The following BMP5 variants were observed in gnomAD, a reference collection of about 807,000 sequenced individuals.
BMP5 encodes bone morphogenetic protein 5.
A neutral mutation model predicts 46.6 loss-of-function variants in BMP5; 23 were observed. The observed-to-expected ratio is 0.49, with a 90% CI of 0.35 to 0.70. BMP5 has a LOEUF of 0.70. Ranked by LOEUF, BMP5 falls within the 30% of genes least tolerant of loss-of-function variation. The probability of loss-of-function intolerance (pLI) is 0.00; values close to 1 mark genes in which losing one functional copy is unlikely to be tolerated. For synonymous variants in BMP5, 204 were observed against 191.9 expected (o/e 1.06, Z -0.52); for missense variants, 545 against 565.6 (o/e 0.96, Z 0.37).
intron 1 of BMP5, among the ~76,000 whole-genome samples, chr6:55,855,304 G>T (rs1254099250): frequency 6.6e-6 from 1 of 151,470 alleles, no homozygotes; most frequent in Admixed American, 6.6e-5. Flanking sequence ...AGCATCACTT[G>T]AGCCCAGATG....
chr6:55,769,897 CT>C (rs1386796751), intron 4 of BMP5, among the ~76,000 whole-genome samples: 1 of 151,706 alleles, frequency 6.6e-6, no homozygotes. Context: ...TGAAAGGAAT[CT>C]TTTTTCTGGA....
At chr6:55,810,954 T>C (rs1045161730) in intron 2 of BMP5, among the ~76,000 whole-genome samples, 1 of 152,192 alleles carries the variant, frequency 6.6e-6, no homozygotes, top group Non-Finnish European at 1.5e-5. Flanking sequence ...CATACATTGC[T>C]AAATGTCTCC....
At chr6:55,856,254 G>A (rs955884155) in intron 1 of BMP5, among the ~76,000 whole-genome samples, 1 of 152,030 alleles carries the variant, frequency 6.6e-6, no homozygotes, top group African/African-American at 2.4e-5. Flanking sequence ...TAATTCAATG[G>A]GTGTGTCACT....
intron 2 of BMP5, among the ~76,000 whole-genome samples, chr6:55,798,199 C>T (rs1377069283): frequency 1.3e-5 from 2 of 152,166 alleles, no homozygotes; most frequent in Non-Finnish European, 2.9e-5. Context: ...ACTGACCTCA[C>T]TTTAGGTCAA....
intron 1 of BMP5, among the ~76,000 whole-genome samples, chr6:55,852,073 T>C (rs185860277): frequency 4.6e-5 from 7 of 152,288 alleles, no homozygotes; most frequent in South Asian, 2.1e-4. Flanking sequence ...AATGAATTTA[T>C]TTCTGTTAGT....
chr6:55,811,051 C>T (rs147655623), intron 2 of BMP5, among the ~76,000 whole-genome samples: 172 of 152,272 alleles, frequency 1.1e-3, no homozygotes, highest in Admixed American at 2.9e-3. Flanking sequence ...GCTTGTGTAC[C>T]GTTCTAGACA....
chr6:55,850,384 AGATAGATAGATC>A lies in BMP5; in HGVS notation c.490+23980_490+23991del, dbSNP rs767425308. Among the ~76,000 whole-genome samples, 1,001 of 150,524 alleles carry A rather than the reference AGATAGATAGATC, an allele frequency of 6.7e-3. 12 individuals carry two copies. The highest frequency in any genetic ancestry group is 0.019 in the African/African-American group (780 of 40,844). ...TAGATAGATAGATAGATAGATAGAT[AGATAGATAGATC>A]GATAGATATAGATAGATAGATAGAT... On this transcript the variant is annotated intron_variant, in intron 1 of 6. Coordinates refer to ENST00000370830, the MANE Select transcript of BMP5 (RefSeq NM_021073.4).
chr6:55,862,910 A>AT (rs1161264901), intron 1 of BMP5, among the ~76,000 whole-genome samples: 46 of 152,104 alleles, frequency 3.0e-4, no homozygotes, highest in Non-Finnish European at 5.7e-4. Flanking sequence ...CTTTAAAGGG[A>AT]TTTTTGTTGG....
intron 3 of BMP5, among the ~76,000 whole-genome samples, chr6:55,780,469 A>AG (rs1562034423): frequency 1.4e-5 from 2 of 146,144 alleles, no homozygotes; most frequent in Admixed American, 6.9e-5. Context: ...AAAAAAAAAA[A>AG]AAAAGAAAGA....
chr6:55,874,447 G>C lies in BMP5; in HGVS notation c.419C>G (p.Pro140Arg). The C allele has an allele frequency of 6.2e-7, 1 of 1,613,328 alleles. No homozygotes were observed. The highest frequency in any genetic ancestry group is 8.5e-7 in the Non-Finnish European group (1 of 1,179,582). Reference sequence around the variant, plus strand: ...GGTATCATGGAGGCTGGCTAGAGGAGGACTCTGGGTGGTCAGAGGAGTCGT... The same window carrying C: ...GGTATCATGGAGGCTGGCTAGAGGACGACTCTGGGTGGTCAGAGGAGTCGT... ...SRTTPLTTQS[P>R]PLASLHDTNF... is the part of the protein sequence containing the mutation. The change falls in exon 1 of 7, where the codon CCT (proline) becomes CGT (arginine). Residue 140 changes from proline (P) to arginine (R), a missense_variant. Transcript: ENST00000370830.
intron 1 of BMP5, among the ~76,000 whole-genome samples, chr6:55,833,696 G>C (rs1000805165): frequency 3.3e-5 from 5 of 152,092 alleles, no homozygotes; most frequent in Admixed American, 3.3e-4. Context: ...ATGTAAACAG[G>C]ACAGCAATCT....
intron 1 of BMP5, among the ~76,000 whole-genome samples, chr6:55,865,221 A>AT (rs139051714): frequency 0.013 from 1,894 of 149,792 alleles, 30 homozygotes; most frequent in African/African-American, 0.044. Context: ...AAAACTTTTC[A>AT]TTTTTTTTTT....
chr6:55,826,973 T>A (rs1582097629), intron 1 of BMP5, among the ~76,000 whole-genome samples: 1 of 151,904 alleles, frequency 6.6e-6, no homozygotes, highest in African/African-American at 2.4e-5. Flanking sequence ...AGTTTTCCTA[T>A]TCCATTCCAG....
chr6:55,807,279 G>C (rs1290698216), intron 2 of BMP5, among the ~76,000 whole-genome samples: 2 of 152,084 alleles, frequency 1.3e-5, no homozygotes, highest in Non-Finnish European at 2.9e-5. Context: ...TAACATGAAG[G>C]GATGTTGAAC....
At chr6:55,797,609 C>CTTT (rs1317753532) in intron 2 of BMP5, among the ~76,000 whole-genome samples, 12 of 134,538 alleles carry the variant, frequency 8.9e-5, no homozygotes, top group African/African-American at 3.4e-4. Context: ...TGATTATTTT[C>CTTT]TTTTCTTTTT....
chr6:55,766,793 A>T (rs1264907777), intron 4 of BMP5, among the ~76,000 whole-genome samples: 1 of 151,980 alleles, frequency 6.6e-6, no homozygotes, highest in Non-Finnish European at 1.5e-5. Flanking sequence ...ATAAAAATAC[A>T]TGCATACCCC....
chr6:55,764,649 G>C (rs1387514647), intron 4 of BMP5, among the ~76,000 whole-genome samples: 1 of 151,094 alleles, frequency 6.6e-6, no homozygotes, highest in Non-Finnish European at 1.5e-5. Flanking sequence ...GAAACAACTG[G>C]AAGATGTCAA....
chr6:55,763,338 GATGTATATA>G (rs1393446303), intron 4 of BMP5, among the ~76,000 whole-genome samples: 3 of 152,058 alleles, frequency 2.0e-5, no homozygotes, highest in Non-Finnish European at 2.9e-5. Context: ...CAGGCTAAGT[GATGTATATA>G]ATGTAACATC....
intron 4 of BMP5, among the ~76,000 whole-genome samples, chr6:55,762,770 G>A (rs1774817790): frequency 6.6e-6 from 1 of 151,916 alleles, no homozygotes; most frequent in African/African-American, 2.4e-5. Context: ...TTGGACCAGG[G>A]GTCAGCAAAC....
Sources: allele counts gnomAD v4.1 joint callset (sites outside exome capture counted in the v4.1 genomes callset), GRCh38; gene constraint gnomAD v4.1.1; transcripts MANE v1.5; gene names NCBI Gene and HGNC (gene_info 2026-07-23, HGNC 2026-07-21).